Variants in PCCA observed in about 807,000 individuals in gnomAD.
PCCA encodes propionyl-CoA carboxylase subunit alpha, also known as propionyl-CoA carboxylase alpha chain, mitochondrial.
Under a neutral mutation model 101.3 loss-of-function variants are expected in PCCA, and 74 were observed. The ratio of observed to expected loss-of-function variants is 0.73; its 90% CI spans 0.61 to 0.89. The LOEUF is 0.89. PCCA is among the 40% of genes least tolerant of loss of function. The pLI, the probability that PCCA is intolerant of heterozygous loss-of-function variation, is 0.00. For synonymous variants in PCCA, 294 were observed against 313.6 expected, an observed-to-expected ratio of 0.94 and a Z score of 0.66; for missense variants, 891 against 907.0, an observed-to-expected ratio of 0.98 and a Z score of 0.23.
At chr13:100,372,033 A>G (rs572997675) in intron 19 of PCCA, among the ~76,000 whole-genome samples, 2 of 152,220 alleles carry the variant, frequency 1.3e-5, no homozygotes, top group East Asian at 1.9e-4. Context: ...AGCTAATGCT[A>G]TAAAATTCTT....
chr13:100,337,021 G>T (rs2070580362), intron 17 of PCCA, among the ~76,000 whole-genome samples: 1 of 152,134 alleles, frequency 6.6e-6, no homozygotes, highest in South Asian at 2.1e-4. Flanking sequence ...GTCGGGGTTG[G>T]GGGAGAGGGT....
At chr13:100,105,586 T>C (rs889825896) in intron 2 of PCCA, among the ~76,000 whole-genome samples, 1 of 147,330 alleles carries the variant, frequency 6.8e-6, no homozygotes, top group Non-Finnish European at 1.5e-5. Context: ...CCCAGCACTT[T>C]GGGAGTTTGA....
chr13:100,376,018 GGTTT>G (rs1373667151), intron 19 of PCCA, among the ~76,000 whole-genome samples: 1 of 152,178 alleles, frequency 6.6e-6, no homozygotes, highest in Non-Finnish European at 1.5e-5. Flanking sequence ...CTTCGGATGG[GGTTT>G]TTGTGTGGAC....
At chr13:100,410,096 T>C (rs1303539851) in intron 19 of PCCA, among the ~76,000 whole-genome samples, 1 of 152,076 alleles carries the variant, frequency 6.6e-6, no homozygotes, top group East Asian at 1.9e-4. Flanking sequence ...AACAAACCCG[T>C]TTCTATGGCC....
intron 19 of PCCA, among the ~76,000 whole-genome samples, chr13:100,370,152 C>T (rs1245513980): frequency 4.5e-5 from 6 of 132,502 alleles, no homozygotes; most frequent in African/African-American, 1.4e-4. Context: ...GGCATGATCT[C>T]GGCTCACTGC....
At chr13:100,349,562 C>A (rs1357719054) in intron 18 of PCCA, among the ~76,000 whole-genome samples, 1 of 152,226 alleles carries the variant, frequency 6.6e-6, no homozygotes, top group Non-Finnish European at 1.5e-5. Context: ...CACGCCCGGC[C>A]ACTTTCTGGT....
At chr13:100,449,871 T>C (rs1180906356) in intron 21 of PCCA, among the ~76,000 whole-genome samples, 1 of 152,220 alleles carries the variant, frequency 6.6e-6, no homozygotes, top group Admixed American at 6.5e-5. Flanking sequence ...ATAAATAGTT[T>C]TATGGCTTAT....
chr13:100,325,302 C>A (rs1360417268), intron 16 of PCCA, among the ~76,000 whole-genome samples: 1 of 152,014 alleles, frequency 6.6e-6, no homozygotes, highest in Admixed American at 6.6e-5. Flanking sequence ...TGTTATATGA[C>A]AACTTAAAGC....
At chr13:100,157,424 T>C (rs2053994717) in intron 6 of PCCA, 84 bp downstream of exon 6, 1 of 905,662 alleles carries the variant, frequency 1.1e-6, no homozygotes, top group Non-Finnish European at 1.8e-6. Flanking sequence ...TGGGTAGTGA[T>C]GGATTATAGA....
intron 18 of PCCA, among the ~76,000 whole-genome samples, chr13:100,367,911 T>C (rs571441038): frequency 7.5e-4 from 114 of 151,908 alleles, no homozygotes; most frequent in African/African-American, 2.6e-3. Context: ...TGAGCCGAAA[T>C]CGCACCATTG....
intron 12 of PCCA, among the ~76,000 whole-genome samples, chr13:100,284,649 A>G (rs1405860807): frequency 6.6e-6 from 1 of 152,250 alleles, no homozygotes; most frequent in Non-Finnish European, 1.5e-5. Flanking sequence ...CACTATATCC[A>G]GTTGTACCCA....
In PCCA at chr13:100,220,381, T is replaced by C. The variant is rs933471709; in HGVS notation, c.600+10918T>C. Among the ~76,000 whole-genome samples, 6 of 151,202 alleles carry C rather than the reference T, an allele frequency of 4.0e-5. No individual in the cohort carries two copies. In the East Asian group the frequency reaches 1.2e-3, roughly 29 times the overall value. On this transcript the variant is annotated intron_variant, in intron 7 of 23. Transcript: ENST00000376285. Reference sequence around the variant, plus strand: ...TTGAAGCAGTTCTCCTGCCTCAGCCTCCCAAGTAGCTGGGACCACATGTCT... The same window carrying C: ...TTGAAGCAGTTCTCCTGCCTCAGCCCCCCAAGTAGCTGGGACCACATGTCT...
rs554604770 is a variant in PCCA at position 100,521,346 on chromosome 13, TG to T, written c.2040+5781del. Among the ~76,000 whole-genome samples the T allele has an allele frequency of 9.4e-3, 1,436 of 152,212 alleles. 8 individuals are homozygous for T. Among genetic ancestry groups the T allele is most frequent in the Middle Eastern group, 0.041 (12 of 294 alleles). On this transcript the variant is annotated intron_variant, in intron 22 of 23. Coordinates refer to ENST00000376285, the MANE Select transcript of PCCA (RefSeq NM_000282.4). ...CGAGCCGGCAGCGGGGCTGGACGGG[TG>T]GCCCCTGGGTTCCCGCGCCCTCCAG...
chr13:100,250,837 G>A (rs528273151), intron 8 of PCCA, among the ~76,000 whole-genome samples: 5 of 152,232 alleles, frequency 3.3e-5, no homozygotes, highest in Non-Finnish European at 7.4e-5. Context: ...GGCAAGTCTA[G>A]CATAGTCCTT....
Position 100,181,079 on chromosome 13 carries a change from G to A in PCCA, c.468+23739G>A, listed in dbSNP as rs58689448. 7.8e-3 allele frequency among the ~76,000 whole-genome samples: 1,184 copies of A among 152,300 alleles called. 16 individuals carry two copies. Among genetic ancestry groups the A allele is most frequent in the African/African-American group, 0.027 (1,130 of 41,556 alleles). ...TTGTGAATGAGAGAGCTTAGTTGCT[G>A]CTGGCAGCCATATTGTGACCATGAG... On this transcript the variant is annotated intron_variant, in intron 6 of 23. Transcript: ENST00000376285.
intron 16 of PCCA, among the ~76,000 whole-genome samples, chr13:100,327,469 G>T (rs2068824472): frequency 6.6e-6 from 1 of 152,148 alleles, no homozygotes; most frequent in African/African-American, 2.4e-5. Flanking sequence ...TAATTCATTT[G>T]CCTCTTAATG....
intron 22 of PCCA, among the ~76,000 whole-genome samples, chr13:100,516,438 T>C (rs1035045156): frequency 6.6e-6 from 1 of 152,206 alleles, no homozygotes; most frequent in Admixed American, 6.5e-5. Context: ...GTAGTTGGCA[T>C]TGGCTTCTAG....
intron 12 of PCCA, among the ~76,000 whole-genome samples, chr13:100,275,617 T>G (rs1595067386): frequency 6.6e-6 from 1 of 152,316 alleles, no homozygotes; most frequent in Middle Eastern, 3.4e-3. Flanking sequence ...ATGCTGGTAT[T>G]TTTGAGTTTA....
At chr13:100,092,584 G>T (rs977003679) in intron 1 of PCCA, among the ~76,000 whole-genome samples, 1 of 151,956 alleles carries the variant, frequency 6.6e-6, no homozygotes, top group Non-Finnish European at 1.5e-5. Context: ...TGTAGAGATG[G>T]GGTTTTGCTA....
Sources: allele counts gnomAD v4.1 joint callset (sites outside exome capture counted in the v4.1 genomes callset), GRCh38; gene constraint gnomAD v4.1.1; transcripts MANE v1.5; gene names NCBI Gene and HGNC (gene_info 2026-07-23, HGNC 2026-07-21).